The following TENM3 variants were observed in gnomAD, a reference collection of about 807,000 sequenced individuals.
TENM3 encodes teneurin-3.
Under a neutral mutation model 255.1 loss-of-function variants are expected in TENM3, and 63 were observed. The observed-to-expected ratio is 0.25, with a 90% CI of 0.20 to 0.30. The LOEUF (loss-of-function observed/expected upper bound fraction) is 0.30. Among genes scored for constraint, TENM3 ranks in the 10% least tolerant of loss-of-function variants. TENM3 has a pLI of 1.00. For synonymous variants in TENM3, 1,306 were observed against 1,322.3 expected (o/e 0.99, Z 0.27); for missense variants, 2,929 against 3,461.1 (o/e 0.85, Z 3.86).
At chr4:182,154,299 G>C (rs532141870) in intron 1 of TENM3, among the ~76,000 whole-genome samples, 2 of 151,892 alleles carry the variant, frequency 1.3e-5, no homozygotes, top group Non-Finnish European at 2.9e-5. Flanking sequence ...AGCCCATCGG[G>C]GATAGGAAGC....
the TENM3 span, among the ~76,000 whole-genome samples, chr4:181,570,057 G>C: frequency 0.089 from 3,300 of 36,990 alleles, 140 homozygotes; most frequent in African/African-American, 0.24. Flanking sequence ...TTTTTTTTTT[G>C]AGACGGAGTC....
At chr4:182,256,485 G>C (rs1579918396) in intron 1 of TENM3, among the ~76,000 whole-genome samples, 1 of 152,274 alleles carries the variant, frequency 6.6e-6, no homozygotes, top group South Asian at 2.1e-4. Context: ...ATATCCTACA[G>C]ATAAAACTGT....
the TENM3 span, among the ~76,000 whole-genome samples, chr4:181,735,612 GA>G: frequency 2.0e-5 from 3 of 152,096 alleles, no homozygotes; most frequent in Admixed American, 6.5e-5. Flanking sequence ...TGTCAATGAT[GA>G]AAGACTGACA....
chr4:182,327,460 A>G (rs913197589), intron 2 of TENM3, among the ~76,000 whole-genome samples: 3 of 152,160 alleles, frequency 2.0e-5, no homozygotes, highest in African/African-American at 7.2e-5. Context: ...AAATCGAGAA[A>G]TATGATGTTT....
chr4:182,236,287 A>G (rs1459280111), intron 1 of TENM3, among the ~76,000 whole-genome samples: 2 of 152,236 alleles, frequency 1.3e-5, no homozygotes, highest in Non-Finnish European at 2.9e-5. Flanking sequence ...TTCTGAAATA[A>G]CAAGTTTAAA....
chr4:182,208,488 C>T (rs1754735777), intron 1 of TENM3, among the ~76,000 whole-genome samples: 1 of 152,130 alleles, frequency 6.6e-6, no homozygotes, highest in Non-Finnish European at 1.5e-5. Flanking sequence ...CATTTCCACA[C>T]ATTTTACTGA....
At chr4:182,037,153 T>TA in the TENM3 span, among the ~76,000 whole-genome samples, 1 of 151,420 alleles carries the variant, frequency 6.6e-6, no homozygotes, top group Admixed American at 6.6e-5. Context: ...TCCTTTTATT[T>TA]TTTTTTTTTT....
At chr4:182,692,277 G>C (rs1757067107) in intron 12 of TENM3, among the ~76,000 whole-genome samples, 1 of 152,172 alleles carries the variant, frequency 6.6e-6, no homozygotes, top group Non-Finnish European at 1.5e-5. Context: ...CTGAACAGAT[G>C]GTTATAGGCA....
the TENM3 span, among the ~76,000 whole-genome samples, chr4:181,630,783 G>A: frequency 3.9e-5 from 6 of 152,162 alleles, no homozygotes; most frequent in African/African-American, 1.4e-4. Context: ...TAGAATAAGT[G>A]TGATGTGGTG....
At chr4:181,775,128 C>T in the TENM3 span, among the ~76,000 whole-genome samples, 2 of 152,132 alleles carry the variant, frequency 1.3e-5, no homozygotes, top group Admixed American at 1.3e-4. Flanking sequence ...CAGAAAGAGG[C>T]CGGGGCAGAG....
At chr4:182,177,284 A>G (rs1383579250) in intron 1 of TENM3, among the ~76,000 whole-genome samples, 1 of 152,062 alleles carries the variant, frequency 6.6e-6, no homozygotes, top group East Asian at 1.9e-4. Context: ...TCACCCCACA[A>G]TTGCGCCAGA....
At chr4:182,767,586 CTGGG>C (rs1763825629) in intron 22 of TENM3, among the ~76,000 whole-genome samples, 1 of 151,882 alleles carries the variant, frequency 6.6e-6, no homozygotes, top group African/African-American at 2.4e-5. Flanking sequence ...GTGTGTGTTT[CTGGG>C]TGGGTGTGTG....
At chr4:182,661,637 T>C (rs1754238018) in intron 6 of TENM3, among the ~76,000 whole-genome samples, 1 of 152,212 alleles carries the variant, frequency 6.6e-6, no homozygotes, top group Admixed American at 6.5e-5. Context: ...TGCTAAATTA[T>C]GGCATGCGGT....
At chr4:182,108,187 C>T in the TENM3 span, among the ~76,000 whole-genome samples, 1 of 152,162 alleles carries the variant, frequency 6.6e-6, no homozygotes, top group African/African-American at 2.4e-5. Flanking sequence ...AGCTCTCAGC[C>T]ACCTACATCT....
At chr4:182,442,845 TATACAC>T (rs1177808419) in intron 3 of TENM3, among the ~76,000 whole-genome samples, 1 of 79,502 alleles carries the variant, frequency 1.3e-5, no homozygotes, top group African/African-American at 5.1e-5. Context: ...TACATACATA[TATACAC>T]ACACACACAC....
At chr4:181,768,248 T>C in the TENM3 span, among the ~76,000 whole-genome samples, 22 of 152,306 alleles carry the variant, frequency 1.4e-4, no homozygotes, top group East Asian at 4.3e-3. Context: ...CATTTTTGGT[T>C]ATCAGGAATT....
At chr4:182,679,153 A>G (rs1755902100) in intron 7 of TENM3, among the ~76,000 whole-genome samples, 1 of 152,108 alleles carries the variant, frequency 6.6e-6, no homozygotes, top group African/African-American at 2.4e-5. Flanking sequence ...GCACGTGTAT[A>G]CCTATGTAAC....
the TENM3 span, among the ~76,000 whole-genome samples, chr4:181,778,336 A>G: frequency 6.6e-6 from 1 of 152,268 alleles, no homozygotes; most frequent in South Asian, 2.1e-4. Context: ...CACTTGTATT[A>G]GTATTAGTAT....
At chr4:182,188,375 G>A (rs562870175) in intron 1 of TENM3, among the ~76,000 whole-genome samples, 3 of 152,146 alleles carry the variant, frequency 2.0e-5, no homozygotes, top group African/African-American at 7.2e-5. Flanking sequence ...GAGCATCCAA[G>A]TCATCTTCTG....
Sources: allele counts gnomAD v4.1 joint callset (sites outside exome capture counted in the v4.1 genomes callset), GRCh38; gene constraint gnomAD v4.1.1; transcripts MANE v1.5; gene names NCBI Gene and HGNC (gene_info 2026-07-23, HGNC 2026-07-21).